Variants in AFF2 observed in about 807,000 individuals in gnomAD.
AFF2 encodes ALF transcription elongation factor 2, also known as AF4/FMR2 family member 2.
AFF2 carries 14 observed loss-of-function variants against 76.9 expected under a neutral mutation model. That is an observed-to-expected ratio of 0.18 (90% CI 0.12 to 0.28). The LOEUF is 0.28. Among genes scored for constraint, AFF2 ranks in the 10% least tolerant of loss-of-function variants. The pLI is 1.00. For synonymous variants in AFF2, 398 were observed against 366.7 expected, an observed-to-expected ratio of 1.09 and a Z score of -0.98; for missense variants, 868 against 1,001.1, an observed-to-expected ratio of 0.87 and a Z score of 1.79.
In AFF2 at chrX:148,960,265, A is replaced by G. The variant is rs2072093458; in HGVS notation, c.2690+1807A>G. On this transcript the variant is annotated intron_variant, in intron 12 of 20. Coordinates refer to ENST00000370460, the MANE Select transcript of AFF2 (RefSeq NM_002025.4). Reference sequence around the variant, plus strand: ...GTGAGCTTCTCTGTGTTACGTCTTCATGGCTATGATTATATAAGACATGGG... The same window carrying G: ...GTGAGCTTCTCTGTGTTACGTCTTCGTGGCTATGATTATATAAGACATGGG... Among the ~76,000 whole-genome samples the G allele has an allele frequency of 2.7e-5, 3 of 112,542 alleles. No homozygotes were observed. The South Asian group carries it at 1.1e-3, about 41-fold the overall frequency.
At chrX:148,756,363 A>T (rs1451408730) in intron 3 of AFF2, among the ~76,000 whole-genome samples, 1 of 112,319 alleles carries the variant, frequency 8.9e-6, no homozygotes, top group East Asian at 2.8e-4. Context: ...TGTGCTGTGT[A>T]CCTTGAACTG....
intron 7 of AFF2, among the ~76,000 whole-genome samples, chrX:148,849,366 T>TCCCC (rs1188645576): frequency 1.1e-4 from 1 of 8,841 alleles, no homozygotes; most frequent in Non-Finnish European, 1.9e-4. Context: ...CTCTCTCTCC[T>TCCCC]CCCCCCCCCC....
rs549250661 is a variant in AFF2 at position 148,809,475 on chromosome X, G to T, written c.1042-401G>T. On this transcript the variant is annotated intron_variant, in intron 3 of 20. Transcript: ENST00000370460. ...CTAGTTGGACTCCCAAGTTCAAAAA[G>T]AACTCAATTTAATCACAAAAGTGTT... 1.6e-4 allele frequency among the ~76,000 whole-genome samples: 18 copies of T among 112,323 alleles called. No individual in the cohort carries two copies. The South Asian group carries it at 6.7e-3, about 42-fold the overall frequency.
At chrX:148,537,222 G>C (rs2052795605) in intron 1 of AFF2, among the ~76,000 whole-genome samples, 1 of 112,223 alleles carries the variant, frequency 8.9e-6, no homozygotes, top group Non-Finnish European at 1.9e-5. Flanking sequence ...CATACAAGAG[G>C]TTTGGAAAAG....
intron 3 of AFF2, among the ~76,000 whole-genome samples, chrX:148,676,549 T>C (rs1201754260): frequency 8.9e-6 from 1 of 111,968 alleles, no homozygotes; most frequent in Non-Finnish European, 1.9e-5. Context: ...AGTCCAGAGA[T>C]ATAGACACAA....
intron 7 of AFF2, among the ~76,000 whole-genome samples, chrX:148,873,430 T>C (rs1283442070): frequency 3.7e-5 from 4 of 109,434 alleles, no homozygotes; most frequent in Non-Finnish European, 7.6e-5. Context: ...TTTTCTTCTG[T>C]TGAAATAGAC....
At chrX:148,805,961 A>T (rs1569555812) in intron 3 of AFF2, among the ~76,000 whole-genome samples, 2 of 112,139 alleles carry the variant, frequency 1.8e-5, no homozygotes, top group Admixed American at 9.4e-5. Flanking sequence ...GGGGGCGGAG[A>T]GGGGGAATGA....
intron 3 of AFF2, among the ~76,000 whole-genome samples, chrX:148,745,026 A>G (rs1254617141): frequency 1.8e-5 from 2 of 111,886 alleles, no homozygotes; most frequent in Non-Finnish European, 3.8e-5. Context: ...TGTCTCTACC[A>G]TGGCACAGGG....
chrX:148,656,666 A>AT (rs2054256617), intron 2 of AFF2, among the ~76,000 whole-genome samples: 1 of 104,859 alleles, frequency 9.5e-6, no homozygotes, highest in Non-Finnish European at 2.0e-5. Context: ...CGCCCGGCTA[A>AT]TTTTTTGTAT....
At chrX:148,661,823 A>C in intron 2 of AFF2, 85 bp from the exon 3 acceptor site, 1 of 944,241 alleles carries the variant, frequency 1.1e-6, no homozygotes. Context: ...TAGTCTACTT[A>C]GGGCATCTGT....
At chrX:148,691,270 A>G (rs1484094702) in intron 3 of AFF2, among the ~76,000 whole-genome samples, 2 of 112,532 alleles carry the variant, frequency 1.8e-5, no homozygotes, top group Admixed American at 1.9e-4. Flanking sequence ...TCATAAACTG[A>G]CAACAACAGA....
chrX:148,708,094 T>G (rs1442550958), intron 3 of AFF2, among the ~76,000 whole-genome samples: 3 of 112,119 alleles, frequency 2.7e-5, no homozygotes, highest in African/African-American at 9.7e-5. Flanking sequence ...TTGTTAGTAC[T>G]CCAGTGTTTC....
At position 148,586,028 on chromosome X, in the gene AFF2, T is replaced by A. The variant is rs546805327; in HGVS notation, c.48-65971T>A. Among the ~76,000 whole-genome samples the A allele has an allele frequency of 2.6e-4, 29 of 110,814 alleles. No homozygotes were observed. In the South Asian group the frequency reaches 0.011, roughly 41 times the overall value. On this transcript the variant is annotated intron_variant, in intron 1 of 20. Transcript: ENST00000370460. ...TTACTGTATGCTTGGCACTCATCAA[T>A]GTGTTTTTATAAAATGTATATCAGT... is the stretch of plus-strand genomic sequence containing the variant.
At chrX:148,519,576 T>C (rs1240344163) in intron 1 of AFF2, among the ~76,000 whole-genome samples, 1 of 112,217 alleles carries the variant, frequency 8.9e-6, no homozygotes, top group Non-Finnish European at 1.9e-5. Flanking sequence ...TGCTTATGCA[T>C]TAAGGGCACA....
intron 1 of AFF2, among the ~76,000 whole-genome samples, chrX:148,602,562 A>G (rs1187911962): frequency 5.4e-5 from 6 of 110,651 alleles, no homozygotes; most frequent in African/African-American, 2.0e-4. Flanking sequence ...AGAAATATAG[A>G]TGGAGAGAAA....
At chrX:148,933,499 G>A (rs891432565) in intron 9 of AFF2, among the ~76,000 whole-genome samples, 1 of 111,677 alleles carries the variant, frequency 9.0e-6, no homozygotes, top group Non-Finnish European at 1.9e-5. Context: ...GAACAGTAAG[G>A]AAGCTATTAC....
At chrX:148,573,328 G>C (rs2053250069) in intron 1 of AFF2, among the ~76,000 whole-genome samples, 1 of 111,069 alleles carries the variant, frequency 9.0e-6, no homozygotes, top group Non-Finnish European at 1.9e-5. Flanking sequence ...GGGAGCAAGG[G>C]AGACAGAAGA....
At chrX:148,560,667 G>A (rs782375293) in intron 1 of AFF2, among the ~76,000 whole-genome samples, 1 of 111,599 alleles carries the variant, frequency 9.0e-6, no homozygotes, top group African/African-American at 3.3e-5. Flanking sequence ...AATGTATAAG[G>A]AACTTAAACA....
Position 148,842,962 on chromosome X carries a change from A to G in AFF2, c.1174-4A>G. ...GTTTGTGTCATATATATTATTCCTT[A>G]TAGGAATCGCAGCATCTGACCCCAG... On this transcript the variant is annotated splice_region_variant and splice_polypyrimidine_tract_variant and intron_variant, in intron 5 of 20. Transcript: ENST00000370460. 1 of 1,196,055 alleles carries G rather than the reference A, an allele frequency of 8.4e-7. No homozygotes were observed. Among genetic ancestry groups the G allele is most frequent in the Non-Finnish European group, 1.1e-6 (1 of 884,203 alleles).
Sources: allele counts gnomAD v4.1 joint callset (sites outside exome capture counted in the v4.1 genomes callset), GRCh38; gene constraint gnomAD v4.1.1; transcripts MANE v1.5; gene names NCBI Gene and HGNC (gene_info 2026-07-23, HGNC 2026-07-21).